TYW1: variants seen among roughly 807,000 people sequenced by gnomAD.
TYW1 encodes S-adenosyl-L-methionine-dependent tRNA 4-demethylwyosine synthase TYW1.
A neutral mutation model predicts 96.2 loss-of-function variants in TYW1; 46 were observed. The observed-to-expected ratio is 0.48, with a 90% CI of 0.38 to 0.61. The LOEUF is 0.61. TYW1 is among the 20% of genes least tolerant of loss of function. The pLI, the probability that TYW1 is intolerant of heterozygous loss-of-function variation, is 0.00. For synonymous variants in TYW1, 274 were observed against 323.0 expected (o/e 0.85, Z 1.63); for missense variants, 684 against 909.6 (o/e 0.75, Z 3.19).
At chr7:67,160,467 A>AT (rs1464268575) in intron 13 of TYW1, among the ~76,000 whole-genome samples, 5 of 151,524 alleles carry the variant, frequency 3.3e-5, no homozygotes, top group Non-Finnish European at 7.4e-5. Flanking sequence ...GATGTTTGTG[A>AT]TTTTTTATGA....
intron 15 of TYW1, among the ~76,000 whole-genome samples, chr7:67,205,087 T>C (rs1800740821): frequency 6.6e-6 from 1 of 152,232 alleles, no homozygotes; most frequent in Admixed American, 6.5e-5. Context: ...TTGGGTGTTA[T>C]GTTAGGAGAC....
At chr7:67,114,211 A>G (rs1797519071) in intron 12 of TYW1, 1 of 153,528 alleles carries the variant, frequency 6.5e-6, no homozygotes, top group Non-Finnish European at 1.5e-5. Flanking sequence ...TTTAGGTTTT[A>G]ATATCATTGC....
chr7:67,035,910 C>G (rs1431123715), intron 7 of TYW1, among the ~76,000 whole-genome samples: 2 of 151,154 alleles, frequency 1.3e-5, no homozygotes, highest in African/African-American at 4.8e-5. Flanking sequence ...ATTTGCTGAT[C>G]TTATGATCCG....
At position 67,024,766 on chromosome 7, in the gene TYW1, G is replaced by GC; in HGVS notation, c.862-133dup. 2.2e-6 allele frequency: 3 copies of GC among 1,376,888 alleles called. No homozygotes were observed. The South Asian group carries it at 4.6e-5, about 21-fold the overall frequency. The allele number at this position is 1,376,888 out of a possible 1,614,324, so 85.3% of individuals were successfully genotyped here. Reference sequence around the variant, plus strand: ...ACTGTGCTCCAGCCTGGGCGACAGAGCGAGACCCTGTCTCAAAGAAAAAAA... The same window carrying GC: ...ACTGTGCTCCAGCCTGGGCGACAGAGCCGAGACCCTGTCTCAAAGAAAAAAA... On this transcript the variant is annotated intron_variant, in intron 6 of 15. Coordinates refer to ENST00000359626, the MANE Select transcript of TYW1 (RefSeq NM_018264.4).
At chr7:67,151,051 CTTTTT>C (rs77369502) in intron 13 of TYW1, among the ~76,000 whole-genome samples, 1 of 142,756 alleles carries the variant, frequency 7.0e-6, no homozygotes, top group Non-Finnish European at 1.5e-5. Context: ...TATTCTTCTT[CTTTTT>C]TTTTTTTTTT....
intron 11 of TYW1, among the ~76,000 whole-genome samples, chr7:67,098,083 A>T (rs1454328252): frequency 1.3e-5 from 2 of 152,160 alleles, no homozygotes; most frequent in Non-Finnish European, 2.9e-5. Flanking sequence ...AGCCAAAGAT[A>T]AGAACGATTA....
At chr7:67,109,396 C>G (rs1017431844) in intron 12 of TYW1, among the ~76,000 whole-genome samples, 1 of 151,498 alleles carries the variant, frequency 6.6e-6, no homozygotes, top group African/African-American at 2.4e-5. Flanking sequence ...AATCTTGTTT[C>G]TCTGTGAAAA....
At chr7:67,015,626 T>G (rs1171195819) in intron 5 of TYW1, among the ~76,000 whole-genome samples, 2 of 152,180 alleles carry the variant, frequency 1.3e-5, no homozygotes, top group African/African-American at 4.8e-5. Flanking sequence ...TTTCTGGGAT[T>G]ACAGGCATGA....
At chr7:67,234,366 AG>A (rs1801822777) in intron 15 of TYW1, among the ~76,000 whole-genome samples, 1 of 149,490 alleles carries the variant, frequency 6.7e-6, no homozygotes. Context: ...AAAAAAAAAA[AG>A]GAAGAAGAGA....
chr7:67,200,153 C>T (rs1032425160), intron 15 of TYW1, among the ~76,000 whole-genome samples: 4 of 152,022 alleles, frequency 2.6e-5, no homozygotes, highest in African/African-American at 9.7e-5. Flanking sequence ...TGCGCCAGGA[C>T]AAAGGAGAGA....
chr7:67,094,654 GTGTGTGTGTGT>G (rs1796836114), intron 11 of TYW1, among the ~76,000 whole-genome samples: 12 of 68,080 alleles, frequency 1.8e-4, no homozygotes, highest in African/African-American at 5.3e-4. Context: ...GAATTAGAGT[GTGTGTGTGTGT>G]GTGTGTGTGT....
chr7:67,083,472 G>A lies in TYW1; in HGVS notation c.1317G>A (p.Met439Ile). The A allele has an allele frequency of 6.2e-7, 1 of 1,614,146 alleles. No homozygotes were observed. Among genetic ancestry groups the A allele is most frequent in the Non-Finnish European group, 8.5e-7 (1 of 1,180,022 alleles). ...TGGGCACTGAGTGGCGGTGGAAGAT[G>A]GACCAGCCTGAAATGATCTTGAAGG... ...NPVGTEWRWK[M>I]DQPEMILKEA... is the part of the protein sequence containing the mutation. Residue 439 changes from methionine (M) to isoleucine (I), a missense_variant, in exon 11 of 16, where the codon ATG (methionine) becomes ATA (isoleucine). Transcript: ENST00000359626.
chr7:67,236,911 A>G (rs1393981821), intron 15 of TYW1, among the ~76,000 whole-genome samples: 2 of 151,954 alleles, frequency 1.3e-5, no homozygotes, highest in Non-Finnish European at 2.9e-5. Context: ...TTGAGATGGA[A>G]TTTCACTCAC....
rs1296977787 is a variant in TYW1, at chr7:67,142,997, G to A, written c.1698+25379G>A. ...GAACCCGGGGGGCGGAAGTTGAAAT[G>A]AGCCAAGATAGCGCCATTGCACTCC... On this transcript the variant is annotated intron_variant, in intron 13 of 15. Coordinates refer to ENST00000359626, the MANE Select transcript of TYW1 (RefSeq NM_018264.4). Among the ~76,000 whole-genome samples the A allele has an allele frequency of 5.3e-5, 8 of 150,918 alleles. No individual in the cohort carries two copies. The East Asian group carries it at 1.6e-3, about 29-fold the overall frequency.
intron 13 of TYW1, among the ~76,000 whole-genome samples, chr7:67,156,752 G>A (rs973853393): frequency 1.3e-5 from 2 of 151,890 alleles, no homozygotes; most frequent in Non-Finnish European, 2.9e-5. Context: ...AGTCTGGTGG[G>A]GGTTGAGCTC....
intron 11 of TYW1, among the ~76,000 whole-genome samples, chr7:67,088,500 A>G (rs770039278): frequency 2.0e-5 from 3 of 152,224 alleles, no homozygotes; most frequent in Non-Finnish European, 2.9e-5. Flanking sequence ...TGACAGCATT[A>G]TAGAATTTTA....
chr7:67,054,561 A>G (rs1272644472), intron 8 of TYW1, among the ~76,000 whole-genome samples: 1 of 152,240 alleles, frequency 6.6e-6, no homozygotes, highest in Non-Finnish European at 1.5e-5. Flanking sequence ...GATACAAGAC[A>G]AAGCCCTGTA....
rs202128968 is a variant in TYW1 at position 67,067,281 on chromosome 7, A to C, written c.1156-4A>C. The C allele has an allele frequency of 1.1e-4, 180 of 1,613,792 alleles. No homozygotes were observed. The highest frequency in any genetic ancestry group is 1.3e-4 in the Admixed American group (8 of 59,992). On this transcript the variant is annotated splice_region_variant and splice_polypyrimidine_tract_variant and intron_variant, in intron 9 of 15. Coordinates refer to ENST00000359626, the MANE Select transcript of TYW1 (RefSeq NM_018264.4). ...TCAAATTGTGATTTGTTTACTTGTCATAGTCCATGCTCCGAGGGAGAGGAG... is the reference window on the plus strand; with the variant it reads ...TCAAATTGTGATTTGTTTACTTGTCCTAGTCCATGCTCCGAGGGAGAGGAG...
chr7:67,190,944 A>G (rs1800186738), intron 14 of TYW1, among the ~76,000 whole-genome samples: 1 of 151,922 alleles, frequency 6.6e-6, no homozygotes, highest in Non-Finnish European at 1.5e-5. Context: ...CAAACTCTCC[A>G]AGCAGCCAGT....
Sources: gnomAD v4.1 joint callset for allele counts (sites outside exome capture counted in the v4.1 genomes callset) on GRCh38, gnomAD v4.1.1 for gene constraint, MANE v1.5 for transcripts, NCBI Gene and HGNC (gene_info 2026-07-23, HGNC 2026-07-21) for gene names.